The following SGCZ variants were observed in gnomAD, a reference collection of about 807,000 sequenced individuals.
SGCZ encodes the protein zeta-sarcoglycan.
SGCZ carries 40 observed loss-of-function variants against 41.3 expected under a neutral mutation model. That is an observed-to-expected ratio of 0.97 (90% CI 0.75 to 1.26). The LOEUF (loss-of-function observed/expected upper bound fraction) is 1.26, where lower values mean the gene tolerates loss of function less well. SGCZ is among the 50% of genes most tolerant of loss of function. The probability of loss-of-function intolerance (pLI) is 0.00; values close to 1 mark genes in which losing one functional copy is unlikely to be tolerated. For missense variants in SGCZ, 552 were observed against 369.8 expected (o/e 1.49, Z -4.04); for synonymous variants, 206 against 137.5 (o/e 1.50, Z -3.49).
At chr8:14,349,712 C>A (rs1031557488) in intron 2 of SGCZ, among the ~76,000 whole-genome samples, 6 of 152,112 alleles carry the variant, frequency 3.9e-5, no homozygotes, top group African/African-American at 1.4e-4. Context: ...GAGAAATAAA[C>A]TGCTGTGTTA....
intron 1 of SGCZ, among the ~76,000 whole-genome samples, chr8:15,106,274 A>G (rs558326646): frequency 6.6e-6 from 1 of 152,178 alleles, no homozygotes; most frequent in South Asian, 2.1e-4. Flanking sequence ...AATACTTGAT[A>G]TTTTCAAAAG....
intron 1 of SGCZ, among the ~76,000 whole-genome samples, chr8:15,007,545 C>G (rs1802650817): frequency 6.6e-6 from 1 of 152,176 alleles, no homozygotes; most frequent in Non-Finnish European, 1.5e-5. Context: ...CAGCGTAACT[C>G]AAGGCATATC....
intron 1 of SGCZ, among the ~76,000 whole-genome samples, chr8:15,037,338 G>T (rs1803909935): frequency 6.6e-6 from 1 of 152,150 alleles, no homozygotes; most frequent in South Asian, 2.1e-4. Context: ...GTCACCATGT[G>T]ACGAAGGATA....
intron 1 of SGCZ, among the ~76,000 whole-genome samples, chr8:14,786,851 A>C (rs531513238): frequency 1.4e-5 from 1 of 71,346 alleles, no homozygotes; most frequent in African/African-American, 3.0e-5. Flanking sequence ...AAAAAAAAAA[A>C]CAAAAAACAC....
intron 1 of SGCZ, among the ~76,000 whole-genome samples, chr8:14,918,397 C>A (rs1011823541): frequency 1.3e-5 from 2 of 151,756 alleles, no homozygotes; most frequent in East Asian, 3.9e-4. Flanking sequence ...GTAATTTTCT[C>A]GGGGTCTCTC....
At chr8:14,589,170 A>G (rs536144561) in intron 1 of SGCZ, among the ~76,000 whole-genome samples, 1 of 151,942 alleles carries the variant, frequency 6.6e-6, no homozygotes, top group Non-Finnish European at 1.5e-5. Flanking sequence ...TGTACCCTCA[A>G]ACTTAAAATA....
intron 1 of SGCZ, among the ~76,000 whole-genome samples, chr8:14,702,762 T>TAGAC (rs1563212730): frequency 1.5e-5 from 2 of 136,676 alleles, no homozygotes; most frequent in African/African-American, 2.5e-5. Flanking sequence ...GATAGATAGA[T>TAGAC]AGATAGATAG....
intron 1 of SGCZ, among the ~76,000 whole-genome samples, chr8:14,833,570 G>C (rs980203064): frequency 2.6e-5 from 4 of 152,150 alleles, no homozygotes; most frequent in Non-Finnish European, 5.9e-5. Context: ...TGATTTGAAA[G>C]GGAGGATAGC....
chr8:14,170,598 G>T (rs752513313), intron 4 of SGCZ, among the ~76,000 whole-genome samples: 17 of 152,016 alleles, frequency 1.1e-4, no homozygotes, highest in Non-Finnish European at 1.5e-4. Flanking sequence ...AATGCAGATG[G>T]CCTCAACCCA....
chr8:14,309,642 G>A (rs1563249370), intron 3 of SGCZ: 4 of 1,610,692 alleles, frequency 2.5e-6, no homozygotes, highest in Non-Finnish European at 3.4e-6. Flanking sequence ...TACTAAGAGC[G>A]GCTCCACCAC....
intron 3 of SGCZ, among the ~76,000 whole-genome samples, chr8:14,287,650 T>A (rs944857275): frequency 3.9e-5 from 6 of 152,138 alleles, no homozygotes; most frequent in African/African-American, 1.2e-4. Flanking sequence ...TATTTTTATA[T>A]CTATATGACA....
At chr8:14,357,516 C>A (rs989870) in intron 2 of SGCZ, among the ~76,000 whole-genome samples, 85,170 of 151,936 alleles carry the variant, frequency 0.56, 25,410 homozygotes, top group South Asian at 0.76. Context: ...TATGCTGTAC[C>A]TTTGAATTGA....
At chr8:15,190,379 T>C (rs1454152132) in intron 1 of SGCZ, among the ~76,000 whole-genome samples, 4 of 152,086 alleles carry the variant, frequency 2.6e-5, no homozygotes, top group Non-Finnish European at 5.9e-5. Context: ...TATTATGTAT[T>C]TTGCACCTAC....
chr8:15,084,408 T>G (rs72607337), intron 1 of SGCZ, among the ~76,000 whole-genome samples: 1 of 152,134 alleles, frequency 6.6e-6, no homozygotes. Flanking sequence ...AGACATTAAA[T>G]AAGTTATTCA....
chr8:14,945,263 A>G (rs1210727618), intron 1 of SGCZ, among the ~76,000 whole-genome samples: 1 of 152,138 alleles, frequency 6.6e-6, no homozygotes, highest in Non-Finnish European at 1.5e-5. Context: ...ATGATACAAG[A>G]AAAATCTATA....
chr8:14,551,583 A>C (rs1047408991), intron 2 of SGCZ, among the ~76,000 whole-genome samples: 1 of 36,762 alleles, frequency 2.7e-5, no homozygotes, highest in African/African-American at 1.5e-4. Context: ...TATATATAAT[A>C]TATATAATAT....
chr8:15,015,130 C>T (rs530109148), intron 1 of SGCZ, among the ~76,000 whole-genome samples: 1 of 152,046 alleles, frequency 6.6e-6, no homozygotes, highest in Non-Finnish European at 1.5e-5. Context: ...ATAGTCCCAG[C>T]TACTTGGGAG....
At chr8:14,612,733 C>T (rs1805969981) in intron 1 of SGCZ, among the ~76,000 whole-genome samples, 1 of 152,118 alleles carries the variant, frequency 6.6e-6, no homozygotes, top group South Asian at 2.1e-4. Context: ...GTAGCCCAAG[C>T]TGGAAGGCAG....
chr8:14,281,053 A>C (rs1274139899), intron 3 of SGCZ, among the ~76,000 whole-genome samples: 1 of 151,918 alleles, frequency 6.6e-6, no homozygotes, highest in Non-Finnish European at 1.5e-5. Flanking sequence ...CAACTATAAA[A>C]TTTGAGACCT....
Sources: allele counts gnomAD v4.1 joint callset (sites outside exome capture counted in the v4.1 genomes callset), GRCh38; gene constraint gnomAD v4.1.1; transcripts MANE v1.5; gene names NCBI Gene and HGNC (gene_info 2026-07-23, HGNC 2026-07-21).